The following RLBP1 variants were observed in gnomAD, a reference collection of about 807,000 sequenced individuals.
RLBP1 encodes retinaldehyde-binding protein 1.
Under a neutral mutation model 36.2 loss-of-function variants are expected in RLBP1, and 26 were observed. The observed-to-expected ratio is 0.72, with a 90% CI of 0.53 to 1.00. RLBP1 has a LOEUF of 1.00. Among genes scored for constraint, RLBP1 ranks in the 50% least tolerant of loss-of-function variants. RLBP1 has a pLI of 0.00. For synonymous variants in RLBP1, 155 were observed against 156.2 expected, an observed-to-expected ratio of 0.99 and a Z score of 0.06; for missense variants, 410 against 402.4, an observed-to-expected ratio of 1.02 and a Z score of -0.16.
At chr15:89,220,683 T>C (rs1381536080) in intron 1 of RLBP1, among the ~76,000 whole-genome samples, 2 of 152,130 alleles carry the variant, frequency 1.3e-5, no homozygotes, top group Non-Finnish European at 2.9e-5. Context: ...TGCTATCAGT[T>C]GGGTTTTGCT....
intron 6 of RLBP1, among the ~76,000 whole-genome samples, chr15:89,213,917 C>G (rs1408123389): frequency 6.6e-6 from 1 of 152,000 alleles, no homozygotes; most frequent in African/African-American, 2.4e-5. Flanking sequence ...CTAGAAAAGC[C>G]CCCCAAAAAG....
rs752290204 is a variant in RLBP1, at chr15:89,218,586, C to A, written c.120G>T (p.Leu40=). The part of the protein sequence containing the change: ...HGPVFGPCSQ[L]PRHTLQKAKD... ...TCACCTTCTGCAAGGTGTGGCGGGG[C>A]AGCTGGCTGCACGGGCCAAAGACAG... The change falls in exon 4 of 9, where the codon CTG becomes CTT. Residue 40 remains leucine (L), a synonymous_variant. Coordinates refer to ENST00000268125, the MANE Select transcript of RLBP1 (RefSeq NM_000326.5). The surrounding 1 kb of genome is among the most constrained non-coding windows in gnomAD (Gnocchi z 4.6). The A allele has an allele frequency of 1.8e-5, 29 of 1,612,966 alleles. No individual in the cohort carries two copies. Among genetic ancestry groups the A allele is most frequent in the Non-Finnish European group, 2.3e-5 (27 of 1,179,956 alleles).
At position 89,209,978 on chromosome 15, in the gene RLBP1, A is replaced by G. The variant is rs184730281; in HGVS notation, c.*307T>C. On this transcript the variant is annotated 3_prime_UTR_variant, in exon 9 of 9. Transcript: ENST00000268125. Reference sequence around the variant, plus strand: ...ACTCTAAGTCGTAAAACTCTGTTACAAAGGAAATGACTGAGAAAATGAATT... The same window carrying G: ...ACTCTAAGTCGTAAAACTCTGTTACGAAGGAAATGACTGAGAAAATGAATT... The G allele has an allele frequency of 1.6e-5, 7 of 430,026 alleles. No homozygotes were observed. The highest frequency in any genetic ancestry group is 1.4e-4 in the African/African-American group (7 of 50,296). The allele number at this position is 430,026 out of a possible 1,614,324, so 26.6% of individuals were successfully genotyped here. A position where few individuals can be genotyped will look rare whatever the true frequency, so the allele number is the denominator to read the frequency against.
In RLBP1 at chr15:89,210,585, T is replaced by TGG; in HGVS notation, c.795+112_795+113dup. 11 of 1,216,382 alleles carry TGG rather than the reference T, an allele frequency of 9.0e-6. No homozygotes were observed. The South Asian group carries it at 1.3e-4, about 14-fold the overall frequency. 75.3% of individuals were successfully genotyped at this position (1,216,382 alleles called of 1,614,324 possible). On this transcript the variant is annotated intron_variant, in intron 8 of 8. Coordinates refer to ENST00000268125, the MANE Select transcript of RLBP1 (RefSeq NM_000326.5). This position sits in a 1 kb window ranked among gnomAD's most constrained non-coding sequence, Gnocchi z 4.7. ...CACCTCTCTCCGCAGGTCTCCATGT[T>TGG]GGGTGTCAGTGGGATCCACATAGCT...
chr15:89,215,050 C>A lies in RLBP1; in HGVS notation c.525+10G>T. 6.2e-7 allele frequency: 1 copy of A among 1,613,898 alleles called. No homozygotes were observed. Among genetic ancestry groups the A allele is most frequent in the Non-Finnish European group, 8.5e-7 (1 of 1,179,782 alleles). On this transcript the variant is annotated intron_variant, in intron 6 of 8. Transcript: ENST00000268125. Reference sequence around the variant, plus strand: ...CCCACAGGGTGGGAGCCAGGCGAGCCCCCACTAACCTCATCAAAGGTGATT... The same window carrying A: ...CCCACAGGGTGGGAGCCAGGCGAGCACCCACTAACCTCATCAAAGGTGATT...
At chr15:89,213,093 T>A (rs1403198723) in intron 6 of RLBP1, among the ~76,000 whole-genome samples, 1 of 152,196 alleles carries the variant, frequency 6.6e-6, no homozygotes, top group East Asian at 1.9e-4. Context: ...AAACATATAT[T>A]TAAGTCTCTT....
chr15:89,213,389 A>T (rs566718200), intron 6 of RLBP1, among the ~76,000 whole-genome samples: 1 of 152,340 alleles, frequency 6.6e-6, no homozygotes, highest in East Asian at 1.9e-4. Flanking sequence ...TCCATTATAA[A>T]ACTAACATAA....
intron 5 of RLBP1, among the ~76,000 whole-genome samples, chr15:89,216,612 G>A (rs997842284): frequency 1.2e-4 from 18 of 152,208 alleles, no homozygotes; most frequent in Admixed American, 9.8e-4. Flanking sequence ...GTGAGCCACC[G>A]CAACCGGCCG....
In RLBP1 at chr15:89,211,466, T is replaced by C. The variant is rs1291391365; in HGVS notation, c.684+277A>G. ...TATTGCTGTGTGACCTCGAGATGTC[T>C]CTTAAATCTCTGAGCCTTCGTTTCC... is the stretch of plus-strand genomic sequence containing the variant. On this transcript the variant is annotated intron_variant, in intron 7 of 8. Transcript: ENST00000268125. This position sits in a 1 kb window ranked among gnomAD's most constrained non-coding sequence, Gnocchi z 5.8. 6.6e-6 allele frequency among the ~76,000 whole-genome samples: 1 copy of C among 152,198 alleles called. No individual in the cohort carries two copies. Among genetic ancestry groups the C allele is most frequent in the African/African-American group, 2.4e-5 (1 of 41,440 alleles).
chr15:89,218,174 C>A lies in RLBP1; in HGVS notation c.141+391G>T, dbSNP rs1275417123. ...GAAGGCAAGACCCAGAGATGGAAAG[C>A]AATCTGCCTAAGGTCACACAGCAAG... On this transcript the variant is annotated intron_variant, in intron 4 of 8. Coordinates refer to ENST00000268125, the MANE Select transcript of RLBP1 (RefSeq NM_000326.5). This position sits in a 1 kb window ranked among gnomAD's most constrained non-coding sequence, Gnocchi z 4.6. Among the ~76,000 whole-genome samples the A allele has an allele frequency of 1.3e-5, 2 of 152,232 alleles. No homozygotes were observed. The highest frequency in any genetic ancestry group is 1.3e-4 in the Admixed American group (2 of 15,284).
At chr15:89,217,442 C>T in intron 4 of RLBP1, 118 bp from the exon 5 acceptor site, 1 of 1,017,010 alleles carries the variant, frequency 9.8e-7, no homozygotes, top group South Asian at 1.3e-5. Flanking sequence ...GGGTCTGCAG[C>T]CGCAGCTTTG....
chr15:89,218,474 C>T lies in RLBP1; in HGVS notation c.141+91G>A. ...TCCAGGATGATCTGGAGTGCCGAGGCTGGACCCTTTTCACAGGAGAGAGAA... is the reference window on the plus strand; with the variant it reads ...TCCAGGATGATCTGGAGTGCCGAGGTTGGACCCTTTTCACAGGAGAGAGAA... On this transcript the variant is annotated intron_variant, in intron 4 of 8. Coordinates refer to ENST00000268125, the MANE Select transcript of RLBP1 (RefSeq NM_000326.5). This position sits in a 1 kb window ranked among gnomAD's most constrained non-coding sequence, Gnocchi z 4.6. 1 of 1,584,464 alleles carries T rather than the reference C, an allele frequency of 6.3e-7. No individual in the cohort carries two copies. Among genetic ancestry groups the T allele is most frequent in the East Asian group, 2.2e-5 (1 of 44,702 alleles).
intron 1 of RLBP1, among the ~76,000 whole-genome samples, chr15:89,220,091 C>A (rs182607221): frequency 6.6e-6 from 1 of 152,176 alleles, no homozygotes; most frequent in African/African-American, 2.4e-5. Flanking sequence ...ATGGTCAGTT[C>A]AATCACCTAG....
chr15:89,210,141 G>A lies in RLBP1; in HGVS notation c.*144C>T, dbSNP rs1017218901. ...TTACCCATCCCCCAACTTGAGAACA[G>A]GGTGACACCTGAGCTCACTCGGGCT... On this transcript the variant is annotated 3_prime_UTR_variant, in exon 9 of 9. Transcript: ENST00000268125. The surrounding 1 kb of genome is among the most constrained non-coding windows in gnomAD (Gnocchi z 4.7). 4.5e-6 allele frequency: 4 copies of A among 887,816 alleles called. No individual in the cohort carries two copies. Among genetic ancestry groups the A allele is most frequent in the Admixed American group, 1.8e-5 (1 of 54,338 alleles). 55.0% of individuals were successfully genotyped at this position (887,816 alleles called of 1,614,324 possible). A position where few individuals can be genotyped will look rare whatever the true frequency, so the allele number is the denominator to read the frequency against.
chr15:89,215,842 A>G (rs2051575621), intron 5 of RLBP1, among the ~76,000 whole-genome samples: 1 of 152,144 alleles, frequency 6.6e-6, no homozygotes, highest in Non-Finnish European at 1.5e-5. Context: ...CTGCTCTGGA[A>G]CACTCTGGGC....
In RLBP1 at chr15:89,218,735, G is replaced by A; in HGVS notation, c.13-42C>T. ...AAAAGAGGAACAGCCAACCGCATCA[G>A]CCTGAGCCAGCCAGGGAAATGGGCC... On this transcript the variant is annotated intron_variant, in intron 3 of 8. Coordinates refer to ENST00000268125, the MANE Select transcript of RLBP1 (RefSeq NM_000326.5). This position sits in a 1 kb window ranked among gnomAD's most constrained non-coding sequence, Gnocchi z 4.6. The A allele has an allele frequency of 6.2e-7, 1 of 1,611,328 alleles. No homozygotes were observed. The highest frequency in any genetic ancestry group is 8.5e-7 in the Non-Finnish European group (1 of 1,180,002).
chr15:89,218,519 TG>T lies in RLBP1; in HGVS notation c.141+45del. On this transcript the variant is annotated intron_variant, in intron 4 of 8. Transcript: ENST00000268125. This position sits in a 1 kb window ranked among gnomAD's most constrained non-coding sequence, Gnocchi z 4.6. ...AGAGAATGCAGTCATGTTCCCCTCATGTTGCCTCCCTAGGCTGCTCCTCTCC... is the reference window on the plus strand; with the variant it reads ...AGAGAATGCAGTCATGTTCCCCTCATTTGCCTCCCTAGGCTGCTCCTCTCC... 6.2e-7 allele frequency: 1 copy of T among 1,613,628 alleles called. No homozygotes were observed. Among genetic ancestry groups the T allele is most frequent in the East Asian group, 2.2e-5 (1 of 44,876 alleles).
In RLBP1 at chr15:89,210,683, C is replaced by T. The variant is rs201148370; in HGVS notation, c.795+16G>A. 36 of 1,542,678 alleles carry T rather than the reference C, an allele frequency of 2.3e-5. No individual in the cohort carries two copies. Among genetic ancestry groups the T allele is most frequent in the East Asian group, 2.1e-4 (9 of 42,942 alleles). ...CAGCCCTCTTGTCTCATTGTCTGGGCGGCCCACGTACTCACCCTCTCAAGC... is the reference window on the plus strand; with the variant it reads ...CAGCCCTCTTGTCTCATTGTCTGGGTGGCCCACGTACTCACCCTCTCAAGC... On this transcript the variant is annotated intron_variant, in intron 8 of 8. Coordinates refer to ENST00000268125, the MANE Select transcript of RLBP1 (RefSeq NM_000326.5). This position sits in a 1 kb window ranked among gnomAD's most constrained non-coding sequence, Gnocchi z 4.7.
intron 6 of RLBP1, 105 bp from the exon 7 acceptor site, chr15:89,212,006 T>A: frequency 8.4e-7 from 1 of 1,194,898 alleles, no homozygotes; most frequent in South Asian, 1.3e-5. Context: ...TGGGGTAATT[T>A]GCTGCAGGCT....
Sources: gnomAD v4.1 joint callset for allele counts (sites outside exome capture counted in the v4.1 genomes callset) on GRCh38, gnomAD v4.1.1 for gene constraint, Gnocchi (gnomAD v3.1) non-coding constraint, MANE v1.5 for transcripts, NCBI Gene and HGNC (gene_info 2026-07-23, HGNC 2026-07-21) for gene names.